Variants in TGFA observed in about 807,000 individuals in gnomAD.
TGFA encodes the protein transforming growth factor alpha, also known as protransforming growth factor alpha.
TGFA carries 12 observed loss-of-function variants against 21.7 expected under a neutral mutation model. That is an observed-to-expected ratio of 0.55 (90% CI 0.35 to 0.90). The LOEUF is 0.90. TGFA is among the 40% of genes least tolerant of loss of function. TGFA has a pLI of 0.01. For missense variants in TGFA, 178 were observed against 210.8 expected, an observed-to-expected ratio of 0.84 and a Z score of 0.96; for synonymous variants, 79 against 88.1, an observed-to-expected ratio of 0.90 and a Z score of 0.58.
Position 70,553,804 on chromosome 2 carries a change from T to C in TGFA, c.-37A>G. ...GCGGGCAGCAGGCTCTCCAGCCTCC[T>C]GCCCTACCTGCGGTGCCCGAGTGGC... On this transcript the variant is annotated 5_prime_UTR_variant, in exon 1 of 6. Transcript: ENST00000295400. 9 of 1,255,736 alleles carry C rather than the reference T, an allele frequency of 7.2e-6. No homozygotes were observed. The highest frequency in any genetic ancestry group is 9.1e-6 in the Non-Finnish European group (9 of 993,388). The allele number at this position is 1,255,736 out of a possible 1,614,324, so 77.8% of individuals were successfully genotyped here. A position where few individuals can be genotyped will look rare whatever the true frequency, so the allele number is the denominator to read the frequency against.
At chr2:70,489,635 C>T (rs1400708668) in intron 2 of TGFA, among the ~76,000 whole-genome samples, 3 of 152,250 alleles carry the variant, frequency 2.0e-5, no homozygotes, top group Non-Finnish European at 4.4e-5. Flanking sequence ...GCTGTGGTGG[C>T]TTTGCTGTTT....
intron 2 of TGFA, among the ~76,000 whole-genome samples, chr2:70,501,245 C>A (rs1266689307): frequency 1.3e-5 from 2 of 148,874 alleles, no homozygotes; most frequent in African/African-American, 5.0e-5. Context: ...TTAAAGTGCT[C>A]TTTGCTTGCA....
chr2:70,481,919 C>A lies in TGFA; in HGVS notation c.95-16183G>T, dbSNP rs370759540. On this transcript the variant is annotated intron_variant, in intron 2 of 5. Coordinates refer to ENST00000295400, the MANE Select transcript of TGFA (RefSeq NM_003236.4). ...CTTGACAGCAACCTCAATGAGAGAC[C>A]CTGACCCAGAACCTCCCAGCAAAGC... Among the ~76,000 whole-genome samples the A allele has an allele frequency of 6.6e-5, 10 of 152,276 alleles. No homozygotes were observed. In the East Asian group the frequency reaches 1.7e-3, roughly 26 times the overall value.
chr2:70,506,348 C>G lies in TGFA; in HGVS notation c.94+8511G>C, dbSNP rs144996826. On this transcript the variant is annotated intron_variant, in intron 2 of 5. Coordinates refer to ENST00000295400, the MANE Select transcript of TGFA (RefSeq NM_003236.4). ...TCACCTTCTGGTGAGAGTATCTCAGCCTACAAGGGCAGTACATTCAGCCTC... is the reference window on the plus strand; with the variant it reads ...TCACCTTCTGGTGAGAGTATCTCAGGCTACAAGGGCAGTACATTCAGCCTC... 4.3e-3 allele frequency among the ~76,000 whole-genome samples: 662 copies of G among 152,276 alleles called. 6 individuals are homozygous for G. The highest frequency in any genetic ancestry group is 0.015 in the African/African-American group (639 of 41,548).
intron 5 of TGFA, among the ~76,000 whole-genome samples, chr2:70,452,798 TGG>T (rs1670098185): frequency 1.3e-5 from 2 of 151,930 alleles, no homozygotes; most frequent in African/African-American, 4.8e-5. Flanking sequence ...AAAAATTTTC[TGG>T]GCGTGGTGGT....
chr2:70,514,271 C>T (rs1171301625), intron 2 of TGFA, among the ~76,000 whole-genome samples: 1 of 152,138 alleles, frequency 6.6e-6, no homozygotes, highest in African/African-American at 2.4e-5. Flanking sequence ...AAAATATTAA[C>T]ACACATGGAG....
At chr2:70,452,944 AAAAAC>A (rs1162264394) in intron 5 of TGFA, among the ~76,000 whole-genome samples, 14 of 152,286 alleles carry the variant, frequency 9.2e-5, no homozygotes, top group Non-Finnish European at 1.6e-4. Context: ...CTCCGTCTCA[AAAAAC>A]AAAACAAAAC....
chr2:70,478,693 T>C (rs1671010906), intron 2 of TGFA, among the ~76,000 whole-genome samples: 1 of 152,258 alleles, frequency 6.6e-6, no homozygotes, highest in African/African-American at 2.4e-5. Context: ...GTATAATTTT[T>C]GGAAATACAA....
intron 1 of TGFA, among the ~76,000 whole-genome samples, chr2:70,537,641 C>T (rs1004167879): frequency 2.0e-5 from 3 of 152,200 alleles, no homozygotes; most frequent in African/African-American, 7.2e-5. Context: ...AAACCAAAGC[C>T]TACTCCAGAG....
At chr2:70,543,525 CAA>C (rs10580951) in intron 1 of TGFA, among the ~76,000 whole-genome samples, 61,164 of 117,656 alleles carry the variant, frequency 0.52, 12,392 homozygotes, top group East Asian at 0.63. Context: ...GACTCTGTCT[CAA>C]AAAAAAAAAA....
At chr2:70,553,142 A>G in intron 1 of TGFA, 2 of 1,529,608 alleles carry the variant, frequency 1.3e-6, no homozygotes, top group Non-Finnish European at 1.8e-6. Flanking sequence ...CAGGGAAGTT[A>G]ATTAAAGGAA....
At chr2:70,511,710 C>A (rs1386023806) in intron 2 of TGFA, among the ~76,000 whole-genome samples, 1 of 152,018 alleles carries the variant, frequency 6.6e-6, no homozygotes, top group Middle Eastern at 3.2e-3. Context: ...CTTTAAAATA[C>A]CCCGGCACAG....
intron 4 of TGFA, among the ~76,000 whole-genome samples, chr2:70,455,936 A>G (rs1670214665): frequency 6.6e-6 from 1 of 152,256 alleles, no homozygotes; most frequent in Non-Finnish European, 1.5e-5. Context: ...GGCCCTCGAC[A>G]TGTATTTGCA....
chr2:70,456,413 C>T lies in TGFA; in HGVS notation c.291G>A (p.Lys97=). The stretch of plus-strand genomic sequence containing the variant: ...CCACCACCAAGGCGGTGATGGCCTG[C>T]TTCTTCTGGCTGGCAGCCACCACGG... ...LLAVVAASQK[K]QAITALVVVS... The change falls in exon 4 of 6, where the codon AAG becomes AAA. Residue 97 remains lysine, a synonymous_variant. Transcript: ENST00000295400. 1 of 1,596,322 alleles carries T rather than the reference C, an allele frequency of 6.3e-7. No homozygotes were observed. The highest frequency in any genetic ancestry group is 8.5e-7 in the Non-Finnish European group (1 of 1,171,796).
At chr2:70,553,102 G>A in intron 1 of TGFA, 3 of 1,429,298 alleles carry the variant, frequency 2.1e-6, no homozygotes, top group Non-Finnish European at 2.8e-6. Flanking sequence ...TTTCGCTCCT[G>A]CCCTCGGCGG....
At chr2:70,462,670 C>G (rs1489860013) in intron 3 of TGFA, among the ~76,000 whole-genome samples, 2 of 152,182 alleles carry the variant, frequency 1.3e-5, no homozygotes, top group African/African-American at 4.8e-5. Flanking sequence ...TTCTAAAATG[C>G]TGACAACTGA....
At chr2:70,483,538 T>G (rs1671187435) in intron 2 of TGFA, among the ~76,000 whole-genome samples, 1 of 152,230 alleles carries the variant, frequency 6.6e-6, no homozygotes, top group Non-Finnish European at 1.5e-5. Context: ...TTATTTCATA[T>G]TTACTATGTT....
At chr2:70,533,246 G>A (rs1553503955) in intron 1 of TGFA, among the ~76,000 whole-genome samples, 1 of 152,128 alleles carries the variant, frequency 6.6e-6, no homozygotes, top group African/African-American at 2.4e-5. Context: ...CTTGTGTTCT[G>A]AGGTACAAGC....
intron 2 of TGFA, among the ~76,000 whole-genome samples, chr2:70,504,483 T>C (rs6711161): frequency 0.18 from 16,058 of 91,578 alleles, 2,462 homozygotes; most frequent in African/African-American, 0.41. Context: ...CATACATACA[T>C]ACACACACAC....
Sources: allele counts gnomAD v4.1 joint callset (sites outside exome capture counted in the v4.1 genomes callset), GRCh38; gene constraint gnomAD v4.1.1; transcripts MANE v1.5; gene names NCBI Gene and HGNC (gene_info 2026-07-23, HGNC 2026-07-21).